PCDH15: variants seen among roughly 807,000 people sequenced by gnomAD.
PCDH15 encodes the protein protocadherin-15.
Under a neutral mutation model 178.5 loss-of-function variants are expected in PCDH15, and 129 were observed. The ratio of observed to expected loss-of-function variants is 0.72; its 90% confidence interval spans 0.63 to 0.84. The LOEUF (loss-of-function observed/expected upper bound fraction) is 0.84. Ranked by LOEUF, PCDH15 falls within the 40% of genes least tolerant of loss-of-function variation. The probability of loss-of-function intolerance (pLI) is 0.00; values close to 1 mark genes in which losing one functional copy is unlikely to be tolerated. For synonymous variants in PCDH15, 800 were observed against 732.0 expected (o/e 1.09, Z -1.50); for missense variants, 2,230 against 2,099.9 (o/e 1.06, Z -1.21).
rs1188054474 is a variant in PCDH15 at position 54,664,181 on chromosome 10, A to G, written c.82T>C (p.Tyr28His). ...CTAAAAGCAACCTTACCATCATCAT[A>G]CTGGCCCAAGCAGATTTCAAAGAGA... is the stretch of plus-strand genomic sequence containing the variant. Reference protein sequence around the residue: ...GSLFEICLGQYDDDCKLARGG... With the variant: ...GSLFEICLGQHDDDCKLARGG... The change falls in exon 2 of 38, where the codon TAT becomes CAT. Residue 28 changes from tyrosine (Y) to histidine (H), a missense_variant. Tyr to His is a moderately conservative substitution (Grantham distance 83). Coordinates refer to ENST00000644397, the MANE Select transcript of PCDH15 (RefSeq NM_001384140.1). 6.2e-7 allele frequency: 1 copy of G among 1,611,902 alleles called. No individual in the cohort carries two copies.
chr10:54,035,211 G>A (rs953879960), intron 18 of PCDH15, among the ~76,000 whole-genome samples: 1 of 151,862 alleles, frequency 6.6e-6, no homozygotes, highest in Non-Finnish European at 1.5e-5. Flanking sequence ...AGATAAAATA[G>A]AAGTGGTAAG....
At chr10:55,441,541 C>A (rs1839185215) in intron 2 of PCDH15, among the ~76,000 whole-genome samples, 1 of 152,080 alleles carries the variant, frequency 6.6e-6, no homozygotes, top group African/African-American at 2.4e-5. Flanking sequence ...GCTTAATTTG[C>A]AATTTTCTAA....
In PCDH15 at chr10:54,926,413, G is replaced by T. The variant is rs142982841; in HGVS notation, c.-79-28913C>A. Among the ~76,000 whole-genome samples the T allele has an allele frequency of 7.9e-3, 1,203 of 151,618 alleles. 16 individuals are homozygous for T. Among genetic ancestry groups the T allele is most frequent in the African/African-American group, 0.028 (1,145 of 41,420 alleles). The stretch of plus-strand genomic sequence containing the variant: ...ATAAATATTGGCCTGAAGTTTTTTT[G>T]TTGTTGTTGTTGTACTCTGCCTGGT... On this transcript the variant is annotated intron_variant, in intron 2 of 5. Transcript: ENST00000458638.
chr10:54,314,241 A>ATT (rs1390973034), intron 8 of PCDH15, among the ~76,000 whole-genome samples: 15 of 151,922 alleles, frequency 9.9e-5, no homozygotes, highest in Non-Finnish European at 4.4e-5. Flanking sequence ...GTTTCAGCAT[A>ATT]TTTGTTTTTT....
At chr10:53,953,973 G>A (rs1481037716) in intron 23 of PCDH15, among the ~76,000 whole-genome samples, 2 of 152,042 alleles carry the variant, frequency 1.3e-5, no homozygotes, top group African/African-American at 2.4e-5. Context: ...TGTATTTTTA[G>A]TAGAGACAGG....
chr10:55,536,491 G>T (rs1841580852), intron 2 of PCDH15, among the ~76,000 whole-genome samples: 1 of 152,060 alleles, frequency 6.6e-6, no homozygotes, highest in Non-Finnish European at 1.5e-5. Flanking sequence ...ATTAAAATAT[G>T]CAAATATCAG....
intron 2 of PCDH15, among the ~76,000 whole-genome samples, chr10:55,440,851 C>T (rs1839167715): frequency 6.6e-6 from 1 of 152,110 alleles, no homozygotes; most frequent in Non-Finnish European, 1.5e-5. Flanking sequence ...AGACAAAAGG[C>T]ACATCTCACA....
intron 29 of PCDH15, among the ~76,000 whole-genome samples, chr10:53,838,748 CTTTTTAAATTAATAA>C (rs36017255): frequency 0.026 from 4,024 of 152,084 alleles, 169 homozygotes; most frequent in African/African-American, 0.092. Flanking sequence ...AATTAATAAA[CTTTTTAAATTAATAA>C]AACTTACAAA....
intron 1 of PCDH15, among the ~76,000 whole-genome samples, chr10:54,701,280 C>T (rs984846961): frequency 6.6e-6 from 1 of 151,968 alleles, no homozygotes; most frequent in Non-Finnish European, 1.5e-5. Context: ...TAGCACGTGA[C>T]CTGCCTTAAA....
At chr10:54,946,800 A>G (rs1339636717) in intron 2 of PCDH15, among the ~76,000 whole-genome samples, 1 of 151,906 alleles carries the variant, frequency 6.6e-6, no homozygotes, top group African/African-American at 2.4e-5. Context: ...GTTAGGAATT[A>G]GTTAAGTGAT....
rs569111828 is a variant in PCDH15 at position 55,338,369 on chromosome 10, C to T, written c.-155-171718G>A. ...CTCCTATGCTTATTGTATGACTATT[C>T]GCAATGACCAAGATATGGAATCAAC... On this transcript the variant is annotated intron_variant, in intron 2 of 5. Coordinates refer to the PCDH15 transcript ENST00000613346. Among the ~76,000 whole-genome samples the T allele has an allele frequency of 2.6e-5, 4 of 152,242 alleles. No homozygotes were observed. The South Asian group carries it at 6.2e-4, about 24-fold the overall frequency.
chr10:54,287,513 T>C (rs185524292), intron 8 of PCDH15, among the ~76,000 whole-genome samples: 10 of 152,304 alleles, frequency 6.6e-5, no homozygotes, highest in African/African-American at 2.4e-4. Context: ...GAGAAGAATA[T>C]TGATGTCTCT....
chr10:55,314,823 T>C (rs1316745634), intron 1 of PCDH15, among the ~76,000 whole-genome samples: 1 of 152,162 alleles, frequency 6.6e-6, no homozygotes, highest in African/African-American at 2.4e-5. Flanking sequence ...AAAAGCTGTA[T>C]GTTAAAATAT....
At chr10:53,973,492 C>T (rs968884406) in intron 21 of PCDH15, among the ~76,000 whole-genome samples, 11 of 151,670 alleles carry the variant, frequency 7.3e-5, no homozygotes, top group South Asian at 2.1e-4. Flanking sequence ...GTTACTACGG[C>T]GATATATTTC....
At position 54,462,496 on chromosome 10, in the gene PCDH15, T is replaced by TTTTCTTTTCTTTTC. The variant is rs756383551; in HGVS notation, c.157+65315_157+65316insGAAAAGAAAAGAAA. Among the ~76,000 whole-genome samples the TTTTCTTTTCTTTTC allele has an allele frequency of 3.5e-3, 296 of 84,854 alleles. 3 individuals carry two copies. Among genetic ancestry groups the TTTTCTTTTCTTTTC allele is most frequent in the African/African-American group, 0.012 (284 of 24,194 alleles). 55.7% of individuals were successfully genotyped at this position (84,854 alleles called of 152,430 possible). A position where few individuals can be genotyped will look rare whatever the true frequency, so the allele number is the denominator to read the frequency against. On this transcript the variant is annotated intron_variant, in intron 3 of 37. Coordinates refer to ENST00000644397, the MANE Select transcript of PCDH15 (RefSeq NM_001384140.1). ...TCTTTCTTTCTTTTCTTTTCTTTTCTTTTTCTTTTTCTTTTCTTTTTTTTT... is the reference window on the plus strand; with the variant it reads ...TCTTTCTTTCTTTTCTTTTCTTTTCTTTTCTTTTCTTTTCTTTTCTTTTTCTTTTCTTTTTTTTT...
intron 2 of PCDH15, among the ~76,000 whole-genome samples, chr10:54,898,258 A>G (rs1244652923): frequency 6.6e-6 from 1 of 152,202 alleles, no homozygotes; most frequent in Non-Finnish European, 1.5e-5. Flanking sequence ...AACCTAACAC[A>G]TAGTACATAT....
chr10:55,388,589 C>T (rs1468166774), intron 2 of PCDH15, among the ~76,000 whole-genome samples: 1 of 151,868 alleles, frequency 6.6e-6, no homozygotes, highest in Non-Finnish European at 1.5e-5. Flanking sequence ...TGGTTTAAGT[C>T]CTAAATGCTA....
At chr10:55,218,377 G>GA (rs1259060774) in intron 1 of PCDH15, among the ~76,000 whole-genome samples, 2 of 151,988 alleles carry the variant, frequency 1.3e-5, no homozygotes, top group African/African-American at 2.4e-5. Context: ...ATATAGAATA[G>GA]AAAAAATGGT....
At chr10:54,402,283 C>T (rs530007006) in intron 3 of PCDH15, among the ~76,000 whole-genome samples, 4 of 151,880 alleles carry the variant, frequency 2.6e-5, no homozygotes, top group East Asian at 1.9e-4. Flanking sequence ...TTAAAGCTGA[C>T]GGGAAGAAGA....
Sources: gnomAD v4.1 joint callset for allele counts (sites outside exome capture counted in the v4.1 genomes callset) on GRCh38, gnomAD v4.1.1 for gene constraint, MANE v1.5 for transcripts, NCBI Gene and HGNC (gene_info 2026-07-23, HGNC 2026-07-21) for gene names.